The following ACSM2A variants were observed in gnomAD, a reference collection of about 807,000 sequenced individuals.
ACSM2A encodes the protein acyl-CoA synthetase medium chain family member 2A.
In ACSM2A, 72 loss-of-function variants were observed where a neutral mutation model predicts 76.6. The observed-to-expected ratio is 0.94, with a 90% CI of 0.78 to 1.14. The LOEUF is 1.14. Ranked by LOEUF, ACSM2A falls within the 50% of genes most tolerant of loss-of-function variation. The probability of loss-of-function intolerance (pLI) is 0.00; values close to 1 mark genes in which losing one functional copy is unlikely to be tolerated. For missense variants in ACSM2A, 684 were observed against 708.5 expected (o/e 0.97, Z 0.39); for synonymous variants, 249 against 255.9 (o/e 0.97, Z 0.26).
chr16:20,474,476 T>G (rs2013607733), intron 6 of ACSM2A, among the ~76,000 whole-genome samples: 1 of 152,170 alleles, frequency 6.6e-6, no homozygotes, highest in African/African-American at 2.4e-5. Context: ...AAGAAGGCTC[T>G]CACCAGATGC....
In ACSM2A at chr16:20,486,602, C is replaced by G. The variant is rs761237925; in HGVS notation, c.1658C>G (p.Thr553Ser). The change falls in exon 14 of 14, where the codon ACT (threonine) becomes AGT (serine). Residue 553 changes from threonine (T) to serine (S), a missense_variant. Around this residue, in one of 3 missense-constraint regions of ACSM2A, gnomAD observed 159 missense variants for 132.5 expected, o/e 1.20. Transcript: ENST00000573854. ...GAGTTTGTCTTGAACCTGCCCAAGACTGTCACAGGGAAAATTCAACGAGCC... is the reference window on the plus strand; with the variant it reads ...GAGTTTGTCTTGAACCTGCCCAAGAGTGTCACAGGGAAAATTCAACGAGCC... Reference protein sequence around the residue: ...KIEFVLNLPKTVTGKIQRAKL... With the variant: ...KIEFVLNLPKSVTGKIQRAKL... The G allele has an allele frequency of 6.2e-7, 1 of 1,614,172 alleles. No homozygotes were observed. Among genetic ancestry groups the G allele is most frequent in the Non-Finnish European group, 8.5e-7 (1 of 1,180,014 alleles).
intron 10 of ACSM2A, among the ~76,000 whole-genome samples, chr16:20,479,557 T>A (rs2013966894): frequency 6.6e-6 from 1 of 152,168 alleles, no homozygotes; most frequent in African/African-American, 2.4e-5. Context: ...GTGAGTGTGT[T>A]AAATAAAAGA....
chr16:20,454,551 TGA>T (rs1459443276), intron 1 of ACSM2A, among the ~76,000 whole-genome samples: 1 of 151,410 alleles, frequency 6.6e-6, no homozygotes, highest in African/African-American at 2.4e-5. Context: ...AGCAAGATAA[TGA>T]GAAATAACAA....
chr16:20,457,345 GA>G (rs1481706526), intron 1 of ACSM2A, among the ~76,000 whole-genome samples: 1 of 151,976 alleles, frequency 6.6e-6, no homozygotes, highest in Non-Finnish European at 1.5e-5. Context: ...ACCCAAACCA[GA>G]AAAGGATGTA....
At chr16:20,462,671 G>A (rs949757473) in intron 2 of ACSM2A, among the ~76,000 whole-genome samples, 13 of 152,222 alleles carry the variant, frequency 8.5e-5, no homozygotes, top group East Asian at 3.9e-4. Context: ...GGGGATATGC[G>A]AAGGGTCTAT....
chr16:20,465,918 CA>C (rs1409880482), intron 3 of ACSM2A, among the ~76,000 whole-genome samples, 191 bp downstream of exon 3: 3 of 152,110 alleles, frequency 2.0e-5, no homozygotes, highest in African/African-American at 7.2e-5. Context: ...GCAGGGTGAA[CA>C]ACAACAATGA....
At position 20,469,707 on chromosome 16, in the gene ACSM2A, A is replaced by G; in HGVS notation, c.584A>G (p.Lys195Arg). ...AGCTGTGATGGGTGGCTGAACTTCA[A>G]GAAACTACTAAAGTGAGTATCTACA... Reference protein sequence around the residue: ...EKSCDGWLNFKKLLNEASTTH... With the variant: ...EKSCDGWLNFRKLLNEASTTH... The change falls in exon 4 of 14, where the codon AAG becomes AGG. Residue 195 changes from lysine (K) to arginine (R), a missense_variant. Physicochemically the swap from Lys to Arg is conservative, Grantham distance 26 (BLOSUM62 2). Coordinates refer to ENST00000573854, the MANE Select transcript of ACSM2A (RefSeq NM_001308172.2). 6.2e-7 allele frequency: 1 copy of G among 1,613,838 alleles called. No homozygotes were observed. Among genetic ancestry groups the G allele is most frequent in the Non-Finnish European group, 8.5e-7 (1 of 1,179,772 alleles).
intron 1 of ACSM2A, chr16:20,453,779 T>A (rs2011932152): frequency 8.1e-6 from 1 of 123,670 alleles, no homozygotes; most frequent in Non-Finnish European, 1.6e-5. Flanking sequence ...TTCCTGGGGG[T>A]AGGTCTATAG....
intron 13 of ACSM2A, among the ~76,000 whole-genome samples, chr16:20,484,142 G>A (rs2014268208): frequency 6.7e-6 from 1 of 150,196 alleles, no homozygotes; most frequent in African/African-American, 2.5e-5. Flanking sequence ...CCAGGCCAAT[G>A]TCACACTGAT....
chr16:20,469,488 T>A (rs1157221792), intron 3 of ACSM2A, 24 bp from the exon 4 acceptor site: 1 of 1,610,362 alleles, frequency 6.2e-7, no homozygotes, highest in South Asian at 1.1e-5. Flanking sequence ...CCTTTCCAAT[T>A]CTCTAAATTG....
intron 8 of ACSM2A, chr16:20,476,814 T>A (rs1249785225): frequency 3.9e-6 from 3 of 775,362 alleles, no homozygotes; most frequent in Non-Finnish European, 4.8e-6. Flanking sequence ...TTGGGAAGGT[T>A]CATTTCAGGG....
chr16:20,465,815 G>A, intron 3 of ACSM2A, 88 bp downstream of exon 3: 1 of 1,520,098 alleles, frequency 6.6e-7, no homozygotes, highest in Non-Finnish European at 8.9e-7. Context: ...CTCAAAAGAA[G>A]TCTCCTCCTT....
chr16:20,475,619 C>T (rs765908636), intron 7 of ACSM2A, 31 bp from the exon 8 acceptor site: 2 of 1,613,334 alleles, frequency 1.2e-6, no homozygotes, highest in Admixed American at 1.7e-5. Flanking sequence ...TCCAGGGAGG[C>T]TGAGGGCAAA....
chr16:20,452,637 T>C (rs2141672800), intron 1 of ACSM2A, among the ~76,000 whole-genome samples: 1 of 139,530 alleles, frequency 7.2e-6, no homozygotes, highest in Non-Finnish European at 1.5e-5. Flanking sequence ...TAGTTCTGTT[T>C]CTCTAGAGAA....
intron 1 of ACSM2A, among the ~76,000 whole-genome samples, chr16:20,458,905 C>CATATATAT (rs72108144): frequency 0.011 from 858 of 74,786 alleles, 13 homozygotes; most frequent in East Asian, 0.096. Context: ...TATATATATG[C>CATATATAT]ATATATATAT....
At position 20,480,578 on chromosome 16, in the gene ACSM2A, T is replaced by G. The variant is rs1479559356; in HGVS notation, c.1287T>G (p.Asn429Lys). The part of the protein sequence containing the change: ...PIGIFSGYVD[N>K]PDKTAANIRG... The stretch of plus-strand genomic sequence containing the variant: ...TGTCTTTCTGTGGTCACCAGGACAA[T>G]CCCGACAAGACAGCAGCCAACATTC... Residue 429 changes from asparagine (N) to lysine (K), a missense_variant, in exon 11 of 14, where the codon AAT becomes AAG. Around this residue, in one of 3 missense-constraint regions of ACSM2A, gnomAD observed 519 missense variants for 549.5 expected, o/e 0.94. Transcript: ENST00000573854. 6.2e-7 allele frequency: 1 copy of G among 1,613,840 alleles called. No homozygotes were observed. Among genetic ancestry groups the G allele is most frequent in the Non-Finnish European group, 8.5e-7 (1 of 1,179,806 alleles).
rs934759907 is a variant in ACSM2A, at chr16:20,487,130, A to G, written c.*452A>G. On this transcript the variant is annotated 3_prime_UTR_variant, in exon 14 of 14. Coordinates refer to ENST00000573854, the MANE Select transcript of ACSM2A (RefSeq NM_001308172.2). The stretch of plus-strand genomic sequence containing the variant: ...GAGAAAGAAGAAAGAGCAAAAGAAC[A>G]CAAGAAAGAAAGAGAGGGAGAAAGA... The G allele has an allele frequency of 6.6e-5, 10 of 152,184 alleles. No individual in the cohort carries two copies. Among genetic ancestry groups the G allele is most frequent in the African/African-American group, 2.4e-4 (10 of 41,320 alleles). The allele number at this position is 152,184 out of a possible 1,614,324, so 9.4% of individuals were successfully genotyped here.
intron 8 of ACSM2A, chr16:20,476,421 C>A: frequency 5.1e-6 from 5 of 985,542 alleles, no homozygotes; most frequent in South Asian, 4.7e-5. Context: ...ACTCTCTTAC[C>A]CTGCATCCTT....
intron 13 of ACSM2A, among the ~76,000 whole-genome samples, chr16:20,484,820 T>C (rs1318830262): frequency 1.3e-5 from 2 of 152,110 alleles, no homozygotes; most frequent in African/African-American, 4.8e-5. Flanking sequence ...AGTGTGACCT[T>C]GGACAAGACA....
Sources: allele counts gnomAD v4.1 joint callset (sites outside exome capture counted in the v4.1 genomes callset), GRCh38; gene constraint gnomAD v4.1.1; regional missense constraint gnomAD v4.1.1; transcripts MANE v1.5; gene names NCBI Gene and HGNC (gene_info 2026-07-23, HGNC 2026-07-21).